Variants in ADNP observed in about 807,000 individuals in gnomAD.
The protein encoded by ADNP is activity-dependent neuroprotector homeobox protein.
ADNP carries 4 observed loss-of-function variants against 84.9 expected under a neutral mutation model. That is an observed-to-expected ratio of 0.05 (90% CI 0.02 to 0.11). The LOEUF (loss-of-function observed/expected upper bound fraction) is 0.11, where lower values mean the gene tolerates loss of function less well. Among genes scored for constraint, ADNP ranks in the 10% least tolerant of loss-of-function variants. ADNP has a pLI of 1.00. For missense variants in ADNP, 1,132 were observed against 1,326.0 expected (o/e 0.85, Z 2.27); for synonymous variants, 554 against 468.1 (o/e 1.18, Z -2.37).
intron 2 of ADNP, among the ~76,000 whole-genome samples, chr20:50,908,277 G>C (rs1033614508): frequency 2.0e-5 from 3 of 150,642 alleles, no homozygotes. Flanking sequence ...CCCCATCCCA[G>C]AAGGGGCCAC....
rs150489825 is a variant in ADNP, at chr20:50,890,131, T to TAAAAAAAAAAAAA, written c.*1261_*1273dup. On this transcript the variant is annotated 3_prime_UTR_variant, in exon 6 of 6. Coordinates refer to ENST00000621696, the MANE Select transcript of ADNP (RefSeq NM_001282531.3). ...AACTCAAGGGTGTTTGTTTTTCAGTTAAAAAAAAAAAAAAAAAAAAAAAAA... is the reference window on the plus strand; with the variant it reads ...AACTCAAGGGTGTTTGTTTTTCAGTTAAAAAAAAAAAAAAAAAAAAAAAAAAAAAAAAAAAAAA... 1.2e-5 allele frequency: 1 copy of TAAAAAAAAAAAAA among 81,086 alleles called. No homozygotes were observed. Among genetic ancestry groups the TAAAAAAAAAAAAA allele is most frequent in the East Asian group, 3.5e-4 (1 of 2,864 alleles). 5.0% of individuals were successfully genotyped at this position (81,086 alleles called of 1,614,324 possible).
chr20:50,916,451 G>GC (rs1983516683), intron 2 of ADNP, among the ~76,000 whole-genome samples: 1 of 152,026 alleles, frequency 6.6e-6, no homozygotes, highest in African/African-American at 2.4e-5. Context: ...TTTAAGACAC[G>GC]CCCCTCTTCT....
intron 2 of ADNP, among the ~76,000 whole-genome samples, chr20:50,913,025 G>A (rs923516554): frequency 2.6e-5 from 4 of 151,876 alleles, no homozygotes; most frequent in Non-Finnish European, 5.9e-5. Flanking sequence ...GCCAAGGAGG[G>A]TGATCACTTG....
rs1256494795 is a variant in ADNP, at chr20:50,928,730, A to ACCACTAGGCCACCTAT, written c.-185_-170dup. On this transcript the variant is annotated 5_prime_UTR_variant, in exon 2 of 6. The change creates a premature stop within an existing upstream ORF in the 5' untranslated region. Coordinates refer to ENST00000621696, the MANE Select transcript of ADNP (RefSeq NM_001282531.3). ...CCTCAAAATGGTAGTACAGGGCATAACCACTAGGCCACCTATCAGTTCAGT... is the reference window on the plus strand; with the variant it reads ...CCTCAAAATGGTAGTACAGGGCATAACCACTAGGCCACCTATCCACTAGGCCACCTATCAGTTCAGT... 4.6e-5 allele frequency: 7 copies of ACCACTAGGCCACCTAT among 152,224 alleles called. No individual in the cohort carries two copies. The East Asian group carries it at 1.2e-3, about 25-fold the overall frequency. 9.4% of individuals were successfully genotyped at this position (152,224 alleles called of 1,614,324 possible).
chr20:50,899,554 A>T (rs1038777573), intron 5 of ADNP, among the ~76,000 whole-genome samples: 1 of 152,012 alleles, frequency 6.6e-6, no homozygotes, highest in Admixed American at 6.6e-5. Flanking sequence ...ACTTACTTCT[A>T]TATTTTTTAA....
intron 2 of ADNP, among the ~76,000 whole-genome samples, chr20:50,909,191 C>T (rs532016790): frequency 5.3e-5 from 8 of 151,346 alleles, no homozygotes; most frequent in African/African-American, 1.5e-4. Flanking sequence ...ATGGAGAAAC[C>T]CCGTCTCTGC....
intron 2 of ADNP, among the ~76,000 whole-genome samples, chr20:50,918,359 T>C (rs905714692): frequency 6.6e-6 from 1 of 152,186 alleles, no homozygotes; most frequent in African/African-American, 2.4e-5. Context: ...AGAGAACCTC[T>C]AGAACAAACC....
chr20:50,913,888 T>C, intron 2 of ADNP: 1 of 615,772 alleles, frequency 1.6e-6, no homozygotes, highest in South Asian at 1.7e-5. Flanking sequence ...CATACATAAA[T>C]TATTGAATTT....
At chr20:50,920,675 G>A (rs542210558) in intron 2 of ADNP, among the ~76,000 whole-genome samples, 2 of 152,166 alleles carry the variant, frequency 1.3e-5, no homozygotes, top group South Asian at 4.1e-4. Flanking sequence ...AATCTAAGAG[G>A]TCTGAGAAAC....
chr20:50,902,901 G>C (rs891501158), intron 4 of ADNP, among the ~76,000 whole-genome samples: 3 of 152,202 alleles, frequency 2.0e-5, no homozygotes, highest in Non-Finnish European at 2.9e-5. Context: ...TCTGGGGTTG[G>C]AGAAGGGCTA....
At chr20:50,928,439 A>C (rs1033467404) in intron 2 of ADNP, among the ~76,000 whole-genome samples, 2 of 152,252 alleles carry the variant, frequency 1.3e-5, no homozygotes, top group African/African-American at 2.4e-5. Context: ...CAATATTAGC[A>C]TCTGTAAAAA....
chr20:50,922,623 A>G (rs1056595812), intron 2 of ADNP, among the ~76,000 whole-genome samples: 1 of 135,548 alleles, frequency 7.4e-6, no homozygotes, highest in Non-Finnish European at 1.5e-5. Context: ...TCTGTCCCCC[A>G]GGCTGGAGTG....
intron 2 of ADNP, among the ~76,000 whole-genome samples, chr20:50,917,365 A>G (rs924429818): frequency 1.3e-5 from 2 of 152,234 alleles, no homozygotes; most frequent in African/African-American, 4.8e-5. Context: ...CTCTAAGGAC[A>G]CTTGTCTTAA....
rs1980678525 is a variant in ADNP, at chr20:50,891,340, T to C, written c.*65A>G. On this transcript the variant is annotated 3_prime_UTR_variant, in exon 6 of 6. Transcript: ENST00000621696. ...GGCAGTACCAGTGAGAAGACAGCTT[T>C]GCAGTCACACTGGATATCAGAGTTC... 6.7e-7 allele frequency: 1 copy of C among 1,490,942 alleles called. No homozygotes were observed. The highest frequency in any genetic ancestry group is 8.9e-7 in the Non-Finnish European group (1 of 1,127,576). The allele number at this position is 1,490,942 out of a possible 1,614,324, so 92.4% of individuals were successfully genotyped here.
At chr20:50,899,684 GAGACAAGCTGTGA>G (rs2122803998) in intron 5 of ADNP, among the ~76,000 whole-genome samples, 1 of 152,012 alleles carries the variant, frequency 6.6e-6, no homozygotes, top group South Asian at 2.1e-4. Flanking sequence ...ACCTTCCAGT[GAGACAAGCTGTGA>G]AGGTGGCAAT....
rs751149237 is a variant in ADNP, at chr20:50,891,508, A to G, written c.3206T>C (p.Ile1069Thr). ...AAACTGTTCCCCATCCTCACTGTCA[A>G]TTGTGCTATTCTGCCACTCAATCTG... Reference protein sequence around the residue: ...NPQIEWQNSTIDSEDGEQFDN... With the variant: ...NPQIEWQNSTTDSEDGEQFDN... The change falls in exon 6 of 6, where the codon ATT (isoleucine) becomes ACT (threonine). Residue 1069 changes from isoleucine to threonine, a missense_variant. Ile to Thr is a moderately conservative substitution (Grantham distance 89, BLOSUM62 -1). Coordinates refer to ENST00000621696, the MANE Select transcript of ADNP (RefSeq NM_001282531.3). 2 of 1,612,222 alleles carry G rather than the reference A, an allele frequency of 1.2e-6. No homozygotes were observed. Among genetic ancestry groups the G allele is most frequent in the Non-Finnish European group, 8.5e-7 (1 of 1,180,034 alleles).
chr20:50,899,610 T>TA (rs754026226), intron 5 of ADNP, among the ~76,000 whole-genome samples: 2 of 151,934 alleles, frequency 1.3e-5, no homozygotes, highest in Non-Finnish European at 2.9e-5. Context: ...CTTCAGGAGG[T>TA]ATCTAGAAGA....
intron 2 of ADNP, among the ~76,000 whole-genome samples, chr20:50,910,722 A>T (rs4809815): frequency 0.03 from 4,508 of 152,186 alleles, 185 homozygotes; most frequent in East Asian, 0.22. Context: ...TGGTATGATC[A>T]CAGCTCACTG....
At chr20:50,907,194 C>T (rs980313153) in intron 2 of ADNP, among the ~76,000 whole-genome samples, 1 of 151,548 alleles carries the variant, frequency 6.6e-6, no homozygotes, top group East Asian at 1.9e-4. Flanking sequence ...CTTGATCTGA[C>T]CTCGTGATCC....
Sources: gnomAD v4.1 joint callset for allele counts (sites outside exome capture counted in the v4.1 genomes callset) on GRCh38, gnomAD v4.1.1 for gene constraint, MANE v1.5 for transcripts, NCBI Gene and HGNC (gene_info 2026-07-23, HGNC 2026-07-21) for gene names.